Variants in BCR observed in about 807,000 individuals in gnomAD.
BCR encodes breakpoint cluster region protein.
In BCR, 58 loss-of-function variants were observed where a neutral mutation model predicts 138.6. The observed-to-expected ratio is 0.42, with a 90% CI of 0.34 to 0.52. The LOEUF is 0.52. Among genes scored for constraint, BCR ranks in the 20% least tolerant of loss-of-function variants. The pLI is 0.06. For synonymous variants in BCR, 786 were observed against 730.1 expected, an observed-to-expected ratio of 1.08 and a Z score of -1.23; for missense variants, 1,599 against 1,727.2, an observed-to-expected ratio of 0.93 and a Z score of 1.32.
At chr22:23,256,690 G>A (rs760026258) in intron 2 of BCR, among the ~76,000 whole-genome samples, 4 of 152,112 alleles carry the variant, frequency 2.6e-5, no homozygotes, top group Non-Finnish European at 5.9e-5. Flanking sequence ...CCCCAGATTA[G>A]GGGGACTAGG....
chr22:23,241,289 G>A (rs973214642), intron 1 of BCR, among the ~76,000 whole-genome samples: 12 of 152,214 alleles, frequency 7.9e-5, no homozygotes, highest in Non-Finnish European at 1.6e-4. Context: ...CCCGGGCTCA[G>A]GGTGGTGACC....
At chr22:23,216,248 G>A (rs1250777608) in intron 1 of BCR, among the ~76,000 whole-genome samples, 1 of 152,148 alleles carries the variant, frequency 6.6e-6, no homozygotes, top group African/African-American at 2.4e-5. Flanking sequence ...CATGCTACAA[G>A]GATGTCTTTC....
intron 8 of BCR, among the ~76,000 whole-genome samples, chr22:23,277,934 G>A (rs1377784643): frequency 6.6e-6 from 1 of 152,204 alleles, no homozygotes; most frequent in East Asian, 1.9e-4. Context: ...GGGGCCGTGA[G>A]CCACAGGTGC....
intron 1 of BCR, among the ~76,000 whole-genome samples, chr22:23,185,194 C>T (rs535483778): frequency 6.6e-6 from 1 of 152,312 alleles, no homozygotes; most frequent in African/African-American, 2.4e-5. Context: ...TTCTGGGTCT[C>T]TGTGTGAATG....
At chr22:23,263,655 A>C in intron 4 of BCR, 1 of 1,456,530 alleles carries the variant, frequency 6.9e-7, no homozygotes, top group Admixed American at 1.7e-5. Flanking sequence ...TCAGTGCAGG[A>C]GGAGATGGGA....
chr22:23,295,229 G>A (rs2073832628), intron 16 of BCR, 74 bp downstream of exon 16: 1 of 979,936 alleles, frequency 1.0e-6, no homozygotes, highest in East Asian at 4.9e-5. Context: ...GGGACACTGA[G>A]ATGGTCATGG....
At chr22:23,246,741 G>A (rs1472953424) in intron 1 of BCR, among the ~76,000 whole-genome samples, 1 of 152,178 alleles carries the variant, frequency 6.6e-6, no homozygotes, top group Non-Finnish European at 1.5e-5. Context: ...GTGACCTGGA[G>A]GAAGTACCCC....
intron 1 of BCR, 127 bp downstream of exon 1, chr22:23,182,366 T>C (rs1226542579): frequency 8.7e-7 from 1 of 1,143,494 alleles, no homozygotes; most frequent in Non-Finnish European, 1.2e-6. Flanking sequence ...GGTGCACTTG[T>C]GGTTCACGCG....
In BCR at chr22:23,235,059, C is replaced by G. The variant is rs972525520; in HGVS notation, c.1280-18740C>G. Among the ~76,000 whole-genome samples, 11 of 143,862 alleles carry G rather than the reference C, an allele frequency of 7.6e-5. 1 individual carries two copies. The highest frequency in any genetic ancestry group is 2.7e-4 in the African/African-American group (11 of 40,794). The allele number at this position is 143,862 out of a possible 152,430, so 94.4% of individuals were successfully genotyped here. A position where few individuals can be genotyped will look rare whatever the true frequency, so the allele number is the denominator to read the frequency against. On this transcript the variant is annotated intron_variant, in intron 1 of 22. Transcript: ENST00000305877. ...TCAGCTCGAGACTATGACCCAGTTCCCATTTCACCTCCTGGGTCTTCTCCA... is the reference window on the plus strand; with the variant it reads ...TCAGCTCGAGACTATGACCCAGTTCGCATTTCACCTCCTGGGTCTTCTCCA...
Position 23,180,777 on chromosome 22 carries a change from CG to C in BCR, c.-183del. ...CTTCCCCCCGGCGCGCCCCGCCCCG[CG>C]CGCCGAGCGCCCCGCTCCGCCTCAC... is the stretch of plus-strand genomic sequence containing the variant. On this transcript the variant is annotated 5_prime_UTR_variant, in exon 1 of 23. Transcript: ENST00000305877. 1 of 176,734 alleles carries C rather than the reference CG, an allele frequency of 5.7e-6. No individual in the cohort carries two copies. Among genetic ancestry groups the C allele is most frequent in the South Asian group, 1.9e-4 (1 of 5,388 alleles). The allele number at this position is 176,734 out of a possible 1,614,324, so 10.9% of individuals were successfully genotyped here.
At chr22:23,299,152 A>G (rs1205391835) in intron 16 of BCR, among the ~76,000 whole-genome samples, 2 of 151,660 alleles carry the variant, frequency 1.3e-5, no homozygotes, top group Admixed American at 1.3e-4. Context: ...GCCCGCCACC[A>G]CACCCAGCTA....
intron 16 of BCR, among the ~76,000 whole-genome samples, chr22:23,299,394 C>A (rs376855440): frequency 6.6e-6 from 1 of 152,144 alleles, no homozygotes; most frequent in Admixed American, 6.5e-5. Flanking sequence ...GACCCCCCTG[C>A]ACGGGTGAAT....
intron 1 of BCR, among the ~76,000 whole-genome samples, chr22:23,246,870 C>T (rs769773896): frequency 3.9e-5 from 6 of 151,954 alleles, no homozygotes; most frequent in Non-Finnish European, 8.8e-5. Flanking sequence ...TGAGGTTCTG[C>T]TACGATAGCC....
At chr22:23,265,988 T>G (rs2073436523) in intron 4 of BCR, among the ~76,000 whole-genome samples, 2 of 152,244 alleles carry the variant, frequency 1.3e-5, no homozygotes, top group African/African-American at 4.8e-5. Flanking sequence ...GGACCCGGTT[T>G]AAGATCATGT....
intron 5 of BCR, among the ~76,000 whole-genome samples, chr22:23,269,990 G>C (rs1438826376): frequency 6.6e-6 from 1 of 152,222 alleles, no homozygotes; most frequent in Admixed American, 6.5e-5. Context: ...CTCAGGACCA[G>C]CTGCAAACCG....
At chr22:23,244,754 A>G (rs1035074672) in intron 1 of BCR, among the ~76,000 whole-genome samples, 1 of 152,186 alleles carries the variant, frequency 6.6e-6, no homozygotes, top group African/African-American at 2.4e-5. Flanking sequence ...TGAGCCCCAG[A>G]GTCCTAAAAA....
intron 1 of BCR, among the ~76,000 whole-genome samples, chr22:23,246,651 CT>C (rs1447980643): frequency 5.3e-5 from 8 of 152,126 alleles, no homozygotes; most frequent in African/African-American, 1.9e-4. Context: ...TTTTTCCTGT[CT>C]GAAAAATAGC....
At chr22:23,196,899 C>T (rs1167425509) in intron 1 of BCR, among the ~76,000 whole-genome samples, 1 of 152,202 alleles carries the variant, frequency 6.6e-6, no homozygotes, top group Non-Finnish European at 1.5e-5. Context: ...TAACAGGCCA[C>T]GGACTGATAC....
chr22:23,267,175 C>A (rs1364993822), intron 4 of BCR, among the ~76,000 whole-genome samples: 3 of 152,032 alleles, frequency 2.0e-5, no homozygotes, highest in Non-Finnish European at 4.4e-5. Flanking sequence ...TAAAGCAGGC[C>A]CTTGGCTGCT....
Sources: gnomAD v4.1 joint callset for allele counts (sites outside exome capture counted in the v4.1 genomes callset) on GRCh38, gnomAD v4.1.1 for gene constraint, MANE v1.5 for transcripts, NCBI Gene and HGNC (gene_info 2026-07-23, HGNC 2026-07-21) for gene names.